The following CRPPA variants were observed in gnomAD, a reference collection of about 807,000 sequenced individuals.
CRPPA encodes CDP-L-ribitol pyrophosphorylase A.
Under a neutral mutation model 52.0 loss-of-function variants are expected in CRPPA, and 43 were observed. That is an observed-to-expected ratio of 0.83 (90% confidence interval 0.65 to 1.07). CRPPA has a LOEUF of 1.07. CRPPA is among the 50% of genes least tolerant of loss of function. CRPPA has a pLI of 0.00. For synonymous variants in CRPPA, 250 were observed against 203.5 expected, an observed-to-expected ratio of 1.23 and a Z score of -1.94; for missense variants, 629 against 551.7, an observed-to-expected ratio of 1.14 and a Z score of -1.40.
At chr7:16,326,475 C>G (rs1199354093) in intron 3 of CRPPA, among the ~76,000 whole-genome samples, 1 of 152,196 alleles carries the variant, frequency 6.6e-6, no homozygotes, top group Non-Finnish European at 1.5e-5. Context: ...AGAGAATCCT[C>G]CTGTGAGCAG....
chr7:16,221,376 T>C (rs866439988), intron 8 of CRPPA, among the ~76,000 whole-genome samples: 1 of 151,526 alleles, frequency 6.6e-6, no homozygotes, highest in Non-Finnish European at 1.5e-5. Flanking sequence ...ATTCAGGACA[T>C]AGGCATGGGC....
intron 6 of CRPPA, among the ~76,000 whole-genome samples, chr7:16,264,663 C>G (rs1347116165): frequency 2.6e-5 from 4 of 152,200 alleles, no homozygotes; most frequent in African/African-American, 9.6e-5. Flanking sequence ...ATCTCTGAGT[C>G]TGAATCTTCC....
chr7:16,413,401 C>T (rs1196349804), intron 1 of CRPPA, among the ~76,000 whole-genome samples: 1 of 152,208 alleles, frequency 6.6e-6, no homozygotes, highest in Non-Finnish European at 1.5e-5. Context: ...ATGACTCAGA[C>T]TTGACCCTTT....
intron 8 of CRPPA, among the ~76,000 whole-genome samples, chr7:16,234,334 T>C (rs1160669474): frequency 1.3e-5 from 2 of 152,050 alleles, no homozygotes; most frequent in Admixed American, 6.6e-5. Context: ...TCAGGACACA[T>C]ACAGAAAACA....
chr7:16,092,709 G>C (rs1277659111), intron 9 of CRPPA, among the ~76,000 whole-genome samples: 1 of 152,048 alleles, frequency 6.6e-6, no homozygotes, highest in South Asian at 2.1e-4. Context: ...TTAAAATATA[G>C]ATCTGATCAC....
chr7:16,310,717 C>G (rs1785017525), intron 3 of CRPPA, among the ~76,000 whole-genome samples: 1 of 151,718 alleles, frequency 6.6e-6, no homozygotes, highest in African/African-American at 2.4e-5. Context: ...CAAAGATGAA[C>G]AACATTGAAT....
chr7:16,112,686 A>G (rs1782290978), intron 9 of CRPPA, among the ~76,000 whole-genome samples: 1 of 152,176 alleles, frequency 6.6e-6, no homozygotes, highest in Non-Finnish European at 1.5e-5. Flanking sequence ...AAGTAGTGCA[A>G]TTAATGGAAC....
intron 2 of CRPPA, among the ~76,000 whole-genome samples, chr7:16,396,391 G>A (rs1008092758): frequency 1.3e-5 from 2 of 152,112 alleles, no homozygotes; most frequent in Non-Finnish European, 2.9e-5. Flanking sequence ...CTGCAAGAAT[G>A]GTCAAAACCA....
At chr7:16,188,311 C>T (rs1160036992) in intron 9 of CRPPA, among the ~76,000 whole-genome samples, 2 of 151,892 alleles carry the variant, frequency 1.3e-5, no homozygotes, top group South Asian at 2.1e-4. Context: ...ACAACGAGAA[C>T]AAATGTATGG....
intron 6 of CRPPA, among the ~76,000 whole-genome samples, chr7:16,263,106 TA>T (rs1457669553): frequency 7.9e-5 from 12 of 152,232 alleles, no homozygotes; most frequent in African/African-American, 2.9e-4. Flanking sequence ...AAGAGTATTT[TA>T]AGTATTCCTA....
intron 8 of CRPPA, among the ~76,000 whole-genome samples, chr7:16,239,455 T>C (rs1783045313): frequency 6.8e-6 from 1 of 146,856 alleles, no homozygotes; most frequent in South Asian, 2.1e-4. Context: ...TTAACTTTAA[T>C]AAATGATATT....
intron 6 of CRPPA, 102 bp downstream of exon 6, chr7:16,278,027 T>A: frequency 1.5e-6 from 1 of 687,204 alleles, no homozygotes; most frequent in Non-Finnish European, 2.6e-6. Flanking sequence ...AAGAACATTA[T>A]GATTAAGGGA....
intron 3 of CRPPA, among the ~76,000 whole-genome samples, chr7:16,313,538 T>A (rs1017859876): frequency 6.6e-6 from 1 of 151,990 alleles, no homozygotes; most frequent in Non-Finnish European, 1.5e-5. Flanking sequence ...ATCAATTTCA[T>A]CTATTTCTGC....
chr7:16,330,221 T>C (rs995055594), intron 3 of CRPPA, among the ~76,000 whole-genome samples: 2 of 152,380 alleles, frequency 1.3e-5, no homozygotes, highest in Admixed American at 6.5e-5. Context: ...TTTTGTAAGC[T>C]TATGAACACT....
intron 9 of CRPPA, among the ~76,000 whole-genome samples, chr7:16,095,889 C>T (rs546400763): frequency 6.6e-6 from 1 of 152,280 alleles, no homozygotes; most frequent in East Asian, 1.9e-4. Flanking sequence ...CAAGGAGAAA[C>T]TCAACGAGGC....
chr7:16,185,442 AT>A (rs895171360), intron 9 of CRPPA, among the ~76,000 whole-genome samples: 1 of 152,150 alleles, frequency 6.6e-6, no homozygotes, highest in African/African-American at 2.4e-5. Flanking sequence ...ACCATGGCTC[AT>A]TTTACTAACC....
At chr7:16,359,489 A>C (rs991884791) in intron 3 of CRPPA, among the ~76,000 whole-genome samples, 1 of 152,080 alleles carries the variant, frequency 6.6e-6, no homozygotes. Context: ...AGCAGTTTTA[A>C]CTGTCTGTTA....
chr7:16,395,241 T>C (rs1240472518), intron 2 of CRPPA, among the ~76,000 whole-genome samples: 2 of 152,174 alleles, frequency 1.3e-5, no homozygotes, highest in East Asian at 3.9e-4. Context: ...CATGTCACTG[T>C]ATGGAAATCA....
intron 5 of CRPPA, among the ~76,000 whole-genome samples, chr7:16,283,532 T>TA (rs1784361930): frequency 6.6e-6 from 1 of 150,920 alleles, no homozygotes; most frequent in African/African-American, 2.4e-5. Flanking sequence ...TGTATATATA[T>TA]ATCTATAGAT....
Sources: allele counts gnomAD v4.1 joint callset (sites outside exome capture counted in the v4.1 genomes callset), GRCh38; gene constraint gnomAD v4.1.1; transcripts MANE v1.5; gene names NCBI Gene and HGNC (gene_info 2026-07-23, HGNC 2026-07-21).